The following CAST variants were observed in gnomAD, a reference collection of about 807,000 sequenced individuals.
CAST encodes the protein MIR583 host.
CAST carries 76 observed loss-of-function variants against 119.6 expected under a neutral mutation model. The observed-to-expected ratio is 0.64, with a 90% CI of 0.53 to 0.77. CAST has a LOEUF of 0.77. CAST is among the 30% of genes least tolerant of loss of function. CAST has a pLI of 0.00. For missense variants in CAST, 953 were observed against 946.5 expected, an observed-to-expected ratio of 1.01 and a Z score of -0.09; for synonymous variants, 319 against 331.6, an observed-to-expected ratio of 0.96 and a Z score of 0.41.
the CAST span, among the ~76,000 whole-genome samples, chr5:96,277,460 G>A: frequency 6.6e-6 from 1 of 151,554 alleles, no homozygotes; most frequent in Admixed American, 6.6e-5. Context: ...TATGCTTATT[G>A]GTCACTGAGA....
At chr5:96,387,715 C>A in the CAST span, among the ~76,000 whole-genome samples, 1 of 152,042 alleles carries the variant, frequency 6.6e-6, no homozygotes, top group African/African-American at 2.4e-5. Flanking sequence ...TGGACCCTCC[C>A]CAAGAATGAG....
At chr5:96,030,386 G>A in the CAST span, among the ~76,000 whole-genome samples, 2 of 152,166 alleles carry the variant, frequency 1.3e-5, no homozygotes, top group African/African-American at 4.8e-5. Context: ...GATAGGGGTA[G>A]ACCTAGGGAA....
chr5:96,406,152 T>TA, the CAST span, among the ~76,000 whole-genome samples: 532 of 152,180 alleles, frequency 3.5e-3, no homozygotes, highest in Admixed American at 6.2e-3. Flanking sequence ...AAGAAGTTTG[T>TA]AAAAAAAGGT....
chr5:96,662,464 C>G lies in CAST; in HGVS notation c.42C>G (p.Pro14=), dbSNP rs1263809988. The stretch of plus-strand genomic sequence containing the variant: ...AGAAGCCCGCCGCCTCCCCGCGGCC[C>G]CGGCGAGCAGCCGCCGCCCGCCGCA... ...PGQKPAASPR[P]RRAAAARRTH... Residue 14 remains proline (P), a synonymous_variant, in exon 1 of 32, where the codon CCC becomes CCG. Coordinates refer to ENST00000675179, the MANE Select transcript of CAST (RefSeq NM_001750.7). 7.0e-6 allele frequency: 10 copies of G among 1,435,060 alleles called. No individual in the cohort carries two copies. Among genetic ancestry groups the G allele is most frequent in the East Asian group, 3.0e-5 (1 of 32,950 alleles). The allele number at this position is 1,435,060 out of a possible 1,614,324, so 88.9% of individuals were successfully genotyped here.
At chr5:96,618,016 C>T (rs1335968027) in intron 1 of CAST, among the ~76,000 whole-genome samples, 2 of 152,072 alleles carry the variant, frequency 1.3e-5, no homozygotes, top group Non-Finnish European at 2.9e-5. Context: ...GCTCTCCACA[C>T]AGGACAAGGA....
the CAST span, among the ~76,000 whole-genome samples, chr5:96,179,231 G>A: frequency 2.0e-4 from 31 of 152,016 alleles, no homozygotes; most frequent in Admixed American, 1.7e-3. Context: ...TCTCCATTGC[G>A]TTCAGGAAAA....
At chr5:96,145,616 CAG>C in the CAST span, among the ~76,000 whole-genome samples, 3 of 152,020 alleles carry the variant, frequency 2.0e-5, no homozygotes, top group African/African-American at 7.2e-5. Context: ...TTGTTTGAAC[CAG>C]AGAGAAATTT....
the CAST span, among the ~76,000 whole-genome samples, chr5:96,122,393 T>C: frequency 6.6e-6 from 1 of 152,186 alleles, no homozygotes; most frequent in Admixed American, 6.5e-5. Flanking sequence ...CCTTTATAAC[T>C]CAACTCTGGA....
intron 1 of CAST, among the ~76,000 whole-genome samples, chr5:96,607,620 T>TTGTGTTTTTCGAGGGTGTCCTTTCA (rs1747284153): frequency 6.6e-6 from 1 of 151,020 alleles, no homozygotes; most frequent in Non-Finnish European, 1.5e-5. Flanking sequence ...AAACACGTAT[T>TTGTGTTTTTCGAGGGTGTCCTTTCA]TGTGCTTTTC....
At chr5:95,995,052 T>G in the CAST span, among the ~76,000 whole-genome samples, 6 of 152,252 alleles carry the variant, frequency 3.9e-5, no homozygotes, top group East Asian at 1.2e-3. Flanking sequence ...ATAAAGTACA[T>G]AGCTTCCTGT....
chr5:96,751,773 C>G (rs1765114275), intron 20 of CAST, among the ~76,000 whole-genome samples: 1 of 152,202 alleles, frequency 6.6e-6, no homozygotes, highest in East Asian at 1.9e-4. Context: ...GCCTCATCTG[C>G]CAAGTGTGAC....
chr5:96,493,104 G>A, the CAST span, among the ~76,000 whole-genome samples: 1 of 152,110 alleles, frequency 6.6e-6, no homozygotes, highest in Admixed American at 6.5e-5. Context: ...CTAAATTGGA[G>A]GATAGAAACA....
chr5:96,239,636 C>T, the CAST span, among the ~76,000 whole-genome samples: 1 of 151,936 alleles, frequency 6.6e-6, no homozygotes, highest in Non-Finnish European at 1.5e-5. Flanking sequence ...TTTCAATTTT[C>T]TTGTATCACA....
chr5:96,298,879 A>AGTGTGTGTGTGT, the CAST span, among the ~76,000 whole-genome samples: 3,643 of 149,614 alleles, frequency 0.024, 83 homozygotes, highest in East Asian at 0.084. Context: ...AAATTAGGAG[A>AGTGTGTGTGTGT]GTGTGTGTGT....
At chr5:96,770,695 AT>A in intron 30 of CAST, 93 bp downstream of exon 30, 2 of 841,718 alleles carry the variant, frequency 2.4e-6, no homozygotes, top group Non-Finnish European at 4.0e-6. Flanking sequence ...ACTGGAATCT[AT>A]TTAGAATAAA....
In CAST at chr5:96,774,166, T is replaced by TTTC. The variant is rs1433373411; in HGVS notation, c.*1553_*1555dup. ...GCAGTATAGGTGTTTGCTTTTTTGT[T>TTTC]TTCTTTTTTTAAGAAAAACCTTGAA... On this transcript the variant is annotated 3_prime_UTR_variant, in exon 32 of 32. Coordinates refer to ENST00000675179, the MANE Select transcript of CAST (RefSeq NM_001750.7). 12 of 153,794 alleles carry TTTC rather than the reference T, an allele frequency of 7.8e-5. No homozygotes were observed. Among genetic ancestry groups the TTTC allele is most frequent in the African/African-American group, 2.9e-4 (12 of 41,374 alleles). The allele number at this position is 153,794 out of a possible 1,614,324, so 9.5% of individuals were successfully genotyped here. A position where few individuals can be genotyped will look rare whatever the true frequency, so the allele number is the denominator to read the frequency against.
chr5:95,963,725 C>CTTTTTTTTTTTTTTTTTTTTTTTT, the CAST span, among the ~76,000 whole-genome samples: 4 of 129,992 alleles, frequency 3.1e-5, no homozygotes, highest in African/African-American at 1.2e-4. Flanking sequence ...TTCTCTCTCT[C>CTTTTTTTTTTTTTTTTTTTTTTTT]TTTTTTTTTT....
the CAST span, among the ~76,000 whole-genome samples, chr5:96,124,643 G>A: frequency 6.6e-6 from 1 of 152,122 alleles, no homozygotes; most frequent in Admixed American, 6.6e-5. Context: ...TATCCTGTAG[G>A]ATGTGCCTGT....
chr5:96,518,894 T>A, the CAST span, among the ~76,000 whole-genome samples: 8 of 152,060 alleles, frequency 5.3e-5, no homozygotes, highest in Non-Finnish European at 1.2e-4. Context: ...GGTGGGTGCC[T>A]GTAATCCCAG....
Sources: allele counts gnomAD v4.1 joint callset (sites outside exome capture counted in the v4.1 genomes callset), GRCh38; gene constraint gnomAD v4.1.1; transcripts MANE v1.5; gene names NCBI Gene and HGNC (gene_info 2026-07-23, HGNC 2026-07-21).